Variants in NAALADL2 observed in about 807,000 individuals in gnomAD.
NAALADL2 encodes the protein N-acetylated alpha-linked acidic dipeptidase like 2.
A neutral mutation model predicts 87.2 loss-of-function variants in NAALADL2; 76 were observed. The observed-to-expected ratio is 0.87, with a 90% confidence interval of 0.72 to 1.05. The LOEUF (loss-of-function observed/expected upper bound fraction) is 1.05, where lower values mean the gene tolerates loss of function less well. NAALADL2 is among the 50% of genes least tolerant of loss of function. NAALADL2 has a pLI of 0.00. For synonymous variants in NAALADL2, 354 were observed against 331.0 expected, an observed-to-expected ratio of 1.07 and a Z score of -0.75; for missense variants, 1,089 against 945.8, an observed-to-expected ratio of 1.15 and a Z score of -1.99.
At chr3:175,311,712 C>T (rs1277205394) in intron 4 of NAALADL2, among the ~76,000 whole-genome samples, 1 of 150,106 alleles carries the variant, frequency 6.7e-6, no homozygotes, top group African/African-American at 2.5e-5. Flanking sequence ...CTCTCCCTCC[C>T]TCCTTCCTTC....
intron 2 of NAALADL2, among the ~76,000 whole-genome samples, chr3:175,129,292 G>T (rs926419221): frequency 5.0e-4 from 75 of 151,106 alleles, no homozygotes; most frequent in African/African-American, 1.5e-3. Flanking sequence ...TTACCATTTT[G>T]TGTGTGTGTG....
At chr3:175,027,913 C>G (rs1195805767) in intron 1 of NAALADL2, among the ~76,000 whole-genome samples, 2 of 151,514 alleles carry the variant, frequency 1.3e-5, no homozygotes, top group East Asian at 1.9e-4. Flanking sequence ...TGTTTTTAAA[C>G]CCTTTATCTT....
intron 13 of NAALADL2, among the ~76,000 whole-genome samples, chr3:175,794,765 CTCT>C (rs1753248879): frequency 6.6e-6 from 1 of 152,162 alleles, no homozygotes; most frequent in South Asian, 2.1e-4. Flanking sequence ...TGGGTTATAT[CTCT>C]TCAAGATGAT....
At chr3:175,300,439 A>G (rs978346409) in intron 4 of NAALADL2, among the ~76,000 whole-genome samples, 3 of 151,924 alleles carry the variant, frequency 2.0e-5, no homozygotes, top group Non-Finnish European at 4.4e-5. Flanking sequence ...TTTGGTTTGT[A>G]GGATAATTAC....
intron 1 of NAALADL2, among the ~76,000 whole-genome samples, chr3:175,082,278 T>C (rs1375365566): frequency 2.6e-5 from 4 of 152,202 alleles, no homozygotes; most frequent in Non-Finnish European, 4.4e-5. Context: ...AAAAGGGTCT[T>C]GTGGATTCAA....
At chr3:174,802,294 C>G (rs1718939305) in intron 3 of NAALADL2, among the ~76,000 whole-genome samples, 1 of 151,596 alleles carries the variant, frequency 6.6e-6, no homozygotes, top group African/African-American at 2.4e-5. Flanking sequence ...ACAAATGGCA[C>G]AAAAATAAAT....
intron 2 of NAALADL2, among the ~76,000 whole-genome samples, chr3:174,616,187 GT>G (rs1720445982): frequency 6.6e-6 from 1 of 151,574 alleles, no homozygotes; most frequent in Admixed American, 6.6e-5. Flanking sequence ...GGAAGAATAT[GT>G]TTTGTTAAAG....
At chr3:175,740,561 A>G (rs544158866) in intron 12 of NAALADL2, among the ~76,000 whole-genome samples, 2 of 152,340 alleles carry the variant, frequency 1.3e-5, no homozygotes, top group South Asian at 2.1e-4. Flanking sequence ...GAGTGTTCTA[A>G]TATCACAATA....
chr3:174,929,984 C>T (rs996770107), intron 1 of NAALADL2, among the ~76,000 whole-genome samples: 1 of 152,088 alleles, frequency 6.6e-6, no homozygotes, highest in Non-Finnish European at 1.5e-5. Context: ...ACTCTTTTAA[C>T]TTTTATTTCC....
At position 175,466,111 on chromosome 3, in the gene NAALADL2, G is replaced by A. The variant is rs1380241692; in HGVS notation, c.1328-868G>A. On this transcript the variant is annotated intron_variant, in intron 7 of 13. Transcript: ENST00000454872. ...ACAGCCTGGATTCTAACCCAAGCAG[G>A]CTGGATTCAGGGTCTGAACAATTTA... Among the ~76,000 whole-genome samples, 8 of 152,198 alleles carry A rather than the reference G, an allele frequency of 5.3e-5. No homozygotes were observed. The East Asian group carries it at 1.3e-3, about 26-fold the overall frequency.
chr3:175,557,881 C>T (rs904120262), intron 9 of NAALADL2, among the ~76,000 whole-genome samples: 2 of 152,064 alleles, frequency 1.3e-5, no homozygotes, highest in Non-Finnish European at 2.9e-5. Context: ...GTTTGTCATT[C>T]GCATGTCTTC....
chr3:175,704,599 C>T (rs752110433), intron 11 of NAALADL2, among the ~76,000 whole-genome samples: 18 of 152,126 alleles, frequency 1.2e-4, no homozygotes, highest in Non-Finnish European at 2.4e-4. Context: ...ATCTAAACCC[C>T]AGGTATGTCC....
Position 175,595,035 on chromosome 3 carries a change from G to A in NAALADL2, c.1800+18848G>A, listed in dbSNP as rs115532027. On this transcript the variant is annotated intron_variant, in intron 10 of 13. Coordinates refer to ENST00000454872, the MANE Select transcript of NAALADL2 (RefSeq NM_207015.3). ...CCCACATGTCAGTTTTTGTTTTCTT[G>A]TAATTACTTTGGGGACATAGCCAAA... Among the ~76,000 whole-genome samples, 1,121 of 151,932 alleles carry A rather than the reference G, an allele frequency of 7.4e-3. 15 individuals carry two copies. The highest frequency in any genetic ancestry group is 0.026 in the African/African-American group (1,076 of 41,492).
chr3:175,637,513 G>A (rs1472583320), intron 11 of NAALADL2, among the ~76,000 whole-genome samples: 1 of 152,140 alleles, frequency 6.6e-6, no homozygotes, highest in African/African-American at 2.4e-5. Flanking sequence ...AAATGGCTTG[G>A]TACCATTCTC....
intron 1 of NAALADL2, among the ~76,000 whole-genome samples, chr3:175,049,850 C>T (rs540262469): frequency 1.2e-4 from 18 of 152,282 alleles, no homozygotes; most frequent in African/African-American, 4.3e-4. Context: ...GTTGATTAAT[C>T]TGTAATATGG....
At chr3:174,888,038 G>A (rs143782353) in intron 1 of NAALADL2, among the ~76,000 whole-genome samples, 1 of 152,242 alleles carries the variant, frequency 6.6e-6, no homozygotes, top group East Asian at 1.9e-4. Context: ...ACGATTGCCA[G>A]GGTGGATGTC....
intron 2 of NAALADL2, among the ~76,000 whole-genome samples, chr3:175,216,489 C>A (rs1329217754): frequency 6.6e-6 from 1 of 151,918 alleles, no homozygotes; most frequent in Non-Finnish European, 1.5e-5. Flanking sequence ...GATCACATAA[C>A]TAAAAAGCCT....
intron 11 of NAALADL2, among the ~76,000 whole-genome samples, chr3:175,653,427 C>T (rs1198790156): frequency 6.6e-6 from 1 of 152,116 alleles, no homozygotes; most frequent in African/African-American, 2.4e-5. Flanking sequence ...GGAACTGCTT[C>T]TTCTATATCT....
chr3:174,813,605 C>A (rs955418569), intron 3 of NAALADL2, among the ~76,000 whole-genome samples: 2 of 152,184 alleles, frequency 1.3e-5, no homozygotes, highest in African/African-American at 4.8e-5. Context: ...TGAAGAGTTT[C>A]TCAGAACTTA....
Sources: gnomAD v4.1 joint callset for allele counts (sites outside exome capture counted in the v4.1 genomes callset) on GRCh38, gnomAD v4.1.1 for gene constraint, MANE v1.5 for transcripts, NCBI Gene and HGNC (gene_info 2026-07-23, HGNC 2026-07-21) for gene names.